ARFGEF1: variants seen among roughly 807,000 people sequenced by gnomAD.
The protein encoded by ARFGEF1 is ARF guanine nucleotide exchange factor 1.
In ARFGEF1, 42 loss-of-function variants were observed where a neutral mutation model predicts 231.0. The ratio of observed to expected loss-of-function variants is 0.18; its 90% CI spans 0.14 to 0.24. The LOEUF is 0.24. ARFGEF1 is among the 10% of genes least tolerant of loss of function. The probability of loss-of-function intolerance (pLI) is 1.00; values close to 1 mark genes in which losing one functional copy is unlikely to be tolerated. For missense variants in ARFGEF1, 1,345 were observed against 2,192.0 expected (o/e 0.61, Z 7.72); for synonymous variants, 710 against 732.3 (o/e 0.97, Z 0.49).
At chr8:67,239,119 G>A (rs1839855085) in intron 20 of ARFGEF1, among the ~76,000 whole-genome samples, 1 of 151,828 alleles carries the variant, frequency 6.6e-6, no homozygotes, top group Non-Finnish European at 1.5e-5. Flanking sequence ...TGATTCTTCT[G>A]CCTCAGCCTC....
At position 67,216,631 on chromosome 8, in the gene ARFGEF1, T is replaced by C. The variant is rs886278417; in HGVS notation, c.4645A>G (p.Thr1549Ala). The change falls in exon 33 of 39, where the codon ACT becomes GCT. Residue 1549 changes from threonine (T) to alanine (A), a missense_variant. Coordinates refer to ENST00000262215, the MANE Select transcript of ARFGEF1 (RefSeq NM_006421.5). ...ACAGGAGATGGAGGTGGGGGGGCAGTTTCTCCAGAATTGGGTCGCCAGGTC... is the reference window on the plus strand; with the variant it reads ...ACAGGAGATGGAGGTGGGGGGGCAGCTTCTCCAGAATTGGGTCGCCAGGTC... Reference protein sequence around the residue: ...LLTWRPNSGETAPPPPSPVSE... With the variant: ...LLTWRPNSGEAAPPPPSPVSE... The C allele has an allele frequency of 2.5e-6, 4 of 1,609,248 alleles. No individual in the cohort carries two copies. The highest frequency in any genetic ancestry group is 3.4e-6 in the Non-Finnish European group (4 of 1,178,668).
chr8:67,343,219 C>T lies in ARFGEF1; in HGVS notation c.69G>A (p.Lys23=). 6.2e-7 allele frequency: 1 copy of T among 1,613,786 alleles called. No homozygotes were observed. Among genetic ancestry groups the T allele is most frequent in the Non-Finnish European group, 8.5e-7 (1 of 1,179,772 alleles). ...TRALEKILAD[K]EVKKAHHSQL... is the part of the protein sequence containing the mutation. ...GGGAGTGATGCGCCTTCTTCACTTC[C>T]TTGTCGGCCAATATCTTCTCCAGAG... is the stretch of plus-strand genomic sequence containing the variant. The change falls in exon 1 of 39, where the codon AAG becomes AAA. Residue 23 remains lysine, a synonymous_variant. Transcript: ENST00000262215.
At chr8:67,307,943 T>C (rs1406433508) in intron 1 of ARFGEF1, among the ~76,000 whole-genome samples, 1 of 152,198 alleles carries the variant, frequency 6.6e-6, no homozygotes, top group Admixed American at 6.5e-5. Flanking sequence ...CTGATTCTCT[T>C]AGAATAGAAT....
chr8:67,338,132 G>A lies in ARFGEF1; in HGVS notation c.124+5032C>T, dbSNP rs540558444. Among the ~76,000 whole-genome samples the A allele has an allele frequency of 2.8e-4, 42 of 152,244 alleles. No individual in the cohort carries two copies. In the South Asian group the frequency reaches 8.1e-3, roughly 29 times the overall value. ...TGAGTTACCTGCCCCTAGATGGGGTGGGAAAGAAAGCTAGTCAGCAAACAG... is the reference window on the plus strand; with the variant it reads ...TGAGTTACCTGCCCCTAGATGGGGTAGGAAAGAAAGCTAGTCAGCAAACAG... On this transcript the variant is annotated intron_variant, in intron 1 of 38. Coordinates refer to ENST00000262215, the MANE Select transcript of ARFGEF1 (RefSeq NM_006421.5).
intron 1 of ARFGEF1, among the ~76,000 whole-genome samples, chr8:67,306,999 G>A (rs1428201919): frequency 3.9e-5 from 6 of 152,138 alleles, no homozygotes; most frequent in East Asian, 1.9e-4. Context: ...GGCTGGTCTC[G>A]AACTCCTGAC....
intron 38 of ARFGEF1, chr8:67,200,063 A>G: frequency 2.7e-6 from 1 of 368,330 alleles, no homozygotes; most frequent in East Asian, 7.1e-5. Flanking sequence ...CAAGGCCATG[A>G]GGTGGTTGGA....
intron 32 of ARFGEF1, 54 bp downstream of exon 32, chr8:67,217,728 T>G (rs1190861190): frequency 6.4e-7 from 1 of 1,573,904 alleles, no homozygotes. Context: ...CTAGTCACTC[T>G]CCAACTCATT....
At chr8:67,301,453 C>A in intron 2 of ARFGEF1, 73 bp from the exon 3 acceptor site, 1 of 1,448,094 alleles carries the variant, frequency 6.9e-7, no homozygotes, top group South Asian at 1.4e-5. Context: ...TGTAGAAACA[C>A]AGAATTTCAG....
chr8:67,313,625 T>G (rs1315088052), intron 1 of ARFGEF1, among the ~76,000 whole-genome samples: 2 of 152,186 alleles, frequency 1.3e-5, no homozygotes, highest in Non-Finnish European at 2.9e-5. Context: ...AACAAAGTTC[T>G]GTGATCAGCC....
At chr8:67,310,154 C>T (rs368341781) in intron 1 of ARFGEF1, among the ~76,000 whole-genome samples, 5 of 151,982 alleles carry the variant, frequency 3.3e-5, no homozygotes, top group South Asian at 2.1e-4. Flanking sequence ...CCCTCTCATG[C>T]GGAGCCGAAG....
At chr8:67,195,842 G>A (rs1837835860), downstream of ARFGEF1, 1 of 444,284 alleles carries the variant, frequency 2.3e-6, no homozygotes, top group Non-Finnish European at 4.1e-6. Context: ...TAATGAACTG[G>A]ATTGAACTAC....
chr8:67,244,242 CAA>C lies in ARFGEF1; in HGVS notation c.2851-3954_2851-3953del, dbSNP rs34333039. ...TGGGCGACAAAGCGAGACTCCACCT[CAA>C]AAAAAAAAAAAAAAAAAAAAAAAAC... is the stretch of plus-strand genomic sequence containing the variant. On this transcript the variant is annotated intron_variant, in intron 19 of 38. Coordinates refer to ENST00000262215, the MANE Select transcript of ARFGEF1 (RefSeq NM_006421.5). 1.8e-3 allele frequency among the ~76,000 whole-genome samples: 36 copies of C among 20,094 alleles called. 7 individuals carry two copies. Among genetic ancestry groups the C allele is most frequent in the African/African-American group, 2.8e-3 (19 of 6,890 alleles). 13.2% of individuals were successfully genotyped at this position (20,094 alleles called of 152,430 possible). A position where few individuals can be genotyped will look rare whatever the true frequency, so the allele number is the denominator to read the frequency against.
intron 1 of ARFGEF1, among the ~76,000 whole-genome samples, chr8:67,321,979 C>G (rs1164205920): frequency 1.3e-5 from 2 of 152,218 alleles, no homozygotes; most frequent in African/African-American, 4.8e-5. Flanking sequence ...TCTCTGCATG[C>G]CCTTCCTTGC....
chr8:67,224,833 T>C, intron 29 of ARFGEF1, 70 bp downstream of exon 29: 1 of 1,129,972 alleles, frequency 8.8e-7, no homozygotes, highest in Non-Finnish European at 1.2e-6. Flanking sequence ...AGATTGTGTT[T>C]ATAAAGAAGA....
Position 67,198,387 on chromosome 8 carries a change from C to G in ARFGEF1, c.*547G>C. 1.3e-5 allele frequency: 13 copies of G among 985,436 alleles called. No homozygotes were observed. The highest frequency in any genetic ancestry group is 1.4e-5 in the Non-Finnish European group (12 of 829,538). 61.0% of individuals were successfully genotyped at this position (985,436 alleles called of 1,614,324 possible). A position where few individuals can be genotyped will look rare whatever the true frequency, so the allele number is the denominator to read the frequency against. The stretch of plus-strand genomic sequence containing the variant: ...ATAATGTTTTAAGATTTTTATATTA[C>G]AGACCTGCATCTCTGTACATTTTTC... On this transcript the variant is annotated 3_prime_UTR_variant, in exon 39 of 39. Transcript: ENST00000262215.
intron 7 of ARFGEF1, among the ~76,000 whole-genome samples, chr8:67,284,400 T>C (rs1056861594): frequency 1.2e-4 from 19 of 152,208 alleles, no homozygotes; most frequent in Non-Finnish European, 2.5e-4. Context: ...AAGGAGCTGA[T>C]GGAGTTCTCC....
chr8:67,210,671 T>C lies in ARFGEF1; in HGVS notation c.4819+812A>G, dbSNP rs191173467. ...TCAGGTGCTCGTTGGCGGAAAAAGC[T>C]GACATTTCAGGATCAGCAGAGTTCT... On this transcript the variant is annotated intron_variant, in intron 34 of 38. Coordinates refer to ENST00000262215, the MANE Select transcript of ARFGEF1 (RefSeq NM_006421.5). 7.5e-4 allele frequency among the ~76,000 whole-genome samples: 114 copies of C among 152,268 alleles called. 1 individual carries two copies. Among genetic ancestry groups the C allele is most frequent in the African/African-American group, 2.6e-3 (107 of 41,554 alleles).
intron 5 of ARFGEF1, among the ~76,000 whole-genome samples, chr8:67,191,590 A>G (rs1836270225): frequency 6.6e-6 from 1 of 152,224 alleles, no homozygotes; most frequent in Non-Finnish European, 1.5e-5. Context: ...ATGTTGTAGC[A>G]TGTGCCAGTA....
chr8:67,310,117 C>A (rs539063768), intron 1 of ARFGEF1, among the ~76,000 whole-genome samples: 28 of 152,002 alleles, frequency 1.8e-4, no homozygotes, highest in Non-Finnish European at 2.2e-4. Context: ...TCCCTCTCCC[C>A]ACGGTTTCCC....
Sources: gnomAD v4.1 joint callset for allele counts (sites outside exome capture counted in the v4.1 genomes callset) on GRCh38, gnomAD v4.1.1 for gene constraint, MANE v1.5 for transcripts, NCBI Gene and HGNC (gene_info 2026-07-23, HGNC 2026-07-21) for gene names.